DPP6: variants seen among roughly 807,000 people sequenced by gnomAD.
The protein encoded by DPP6 is A-type potassium channel modulatory protein DPP6.
In DPP6, 69 loss-of-function variants were observed where a neutral mutation model predicts 122.6. The observed-to-expected ratio is 0.56, with a 90% CI of 0.46 to 0.69. The LOEUF is 0.69. Ranked by LOEUF, DPP6 falls within the 30% of genes least tolerant of loss-of-function variation. The pLI is 0.00. For synonymous variants in DPP6, 418 were observed against 433.1 expected, an observed-to-expected ratio of 0.97 and a Z score of 0.43; for missense variants, 928 against 1,116.9, an observed-to-expected ratio of 0.83 and a Z score of 2.41.
intron 1 of DPP6, among the ~76,000 whole-genome samples, chr7:154,354,896 G>A (rs1335223228): frequency 6.6e-6 from 1 of 152,208 alleles, no homozygotes; most frequent in Non-Finnish European, 1.5e-5. Context: ...TGTGAGCTAT[G>A]AACATGTTCA....
intron 6 of DPP6, among the ~76,000 whole-genome samples, chr7:154,649,213 C>T (rs1205818826): frequency 6.6e-6 from 1 of 152,184 alleles, no homozygotes; most frequent in Non-Finnish European, 1.5e-5. Flanking sequence ...CAGGTGTCTG[C>T]ATTCATTTGT....
chr7:154,148,889 C>A (rs557519677), intron 1 of DPP6, among the ~76,000 whole-genome samples: 1 of 152,168 alleles, frequency 6.6e-6, no homozygotes, highest in Non-Finnish European at 1.5e-5. Context: ...ATAAGGAAAT[C>A]AGGATGATAC....
At chr7:153,843,281 C>T in the DPP6 span, among the ~76,000 whole-genome samples, 1,170 of 109,812 alleles carry the variant, frequency 0.011, 6 homozygotes, top group Middle Eastern at 0.016. Context: ...TGCGCGCGCG[C>T]ACACACACAC....
At chr7:153,870,575 C>A in the DPP6 span, among the ~76,000 whole-genome samples, 1 of 152,158 alleles carries the variant, frequency 6.6e-6, no homozygotes, top group Non-Finnish European at 1.5e-5. Flanking sequence ...AGGTTTTTAA[C>A]TTCTTTGCCA....
intron 8 of DPP6, among the ~76,000 whole-genome samples, chr7:154,737,925 T>C (rs1380015180): frequency 6.6e-6 from 1 of 152,338 alleles, no homozygotes; most frequent in Admixed American, 6.5e-5. Flanking sequence ...GTCTGGATGA[T>C]AAAACTTCAG....
rs1823771546 is a variant in DPP6 at position 154,486,125 on chromosome 7, T to A, written c.457+11088T>A. ...TCCCCGGTCTCCTCACCACCCCTAC[T>A]CATGGCCTCTATTTTGTTTTTTTTT... On this transcript the variant is annotated intron_variant, in intron 3 of 25. Coordinates refer to ENST00000377770, the MANE Select transcript of DPP6 (RefSeq NM_130797.4). The surrounding 1 kb of genome is among the most constrained non-coding windows in gnomAD (Gnocchi z 4.5). Among the ~76,000 whole-genome samples the A allele has an allele frequency of 6.6e-6, 1 of 150,878 alleles. No homozygotes were observed. Among genetic ancestry groups the A allele is most frequent in the African/African-American group, 2.5e-5 (1 of 40,506 alleles).
At chr7:154,229,729 G>A (rs1199038323) in intron 1 of DPP6, among the ~76,000 whole-genome samples, 1 of 151,954 alleles carries the variant, frequency 6.6e-6, no homozygotes, top group Non-Finnish European at 1.5e-5. Flanking sequence ...TAAATTTGAT[G>A]TTTGTTCTTG....
intron 5 of DPP6, among the ~76,000 whole-genome samples, chr7:154,581,657 G>A (rs184649443): frequency 4.4e-4 from 67 of 152,370 alleles, no homozygotes; most frequent in African/African-American, 1.6e-3. Flanking sequence ...AGGCCCTTTT[G>A]AAACAGGCAG....
intron 1 of DPP6, among the ~76,000 whole-genome samples, chr7:153,907,747 G>A (rs1324382550): frequency 1.3e-5 from 2 of 152,154 alleles, no homozygotes; most frequent in African/African-American, 4.8e-5. Flanking sequence ...ACTTTTCTCT[G>A]GGTTTCCAGC....
At chr7:154,686,461 C>T (rs760232530) in intron 7 of DPP6, among the ~76,000 whole-genome samples, 15 of 150,928 alleles carry the variant, frequency 9.9e-5, no homozygotes, top group Non-Finnish European at 1.9e-4. Flanking sequence ...TCTCCCGATA[C>T]AGCATCTGGT....
chr7:153,931,374 A>C (rs927346558), intron 1 of DPP6, among the ~76,000 whole-genome samples: 2 of 152,222 alleles, frequency 1.3e-5, no homozygotes, highest in African/African-American at 4.8e-5. Flanking sequence ...GCCAAGAGAC[A>C]GTCTTAGCAC....
the DPP6 span, among the ~76,000 whole-genome samples, chr7:153,869,207 T>G: frequency 6.6e-6 from 1 of 152,246 alleles, no homozygotes; most frequent in African/African-American, 2.4e-5. Context: ...TGGATATCCT[T>G]GTTAACTTTC....
chr7:154,620,579 T>A (rs996104319), intron 5 of DPP6, among the ~76,000 whole-genome samples: 2 of 152,240 alleles, frequency 1.3e-5, no homozygotes, highest in African/African-American at 2.4e-5. Context: ...CAGTGTTTTT[T>A]TCCTTCTGCA....
the DPP6 span, among the ~76,000 whole-genome samples, chr7:153,791,125 T>C: frequency 6.6e-6 from 1 of 152,174 alleles, no homozygotes; most frequent in Non-Finnish European, 1.5e-5. Context: ...TTTTGGGAAA[T>C]TATATGTGTT....
At chr7:154,680,830 C>T (rs1000527396) in intron 7 of DPP6, among the ~76,000 whole-genome samples, 3 of 152,124 alleles carry the variant, frequency 2.0e-5, no homozygotes, top group African/African-American at 4.8e-5. Context: ...ATGAATAAGC[C>T]GCCCATCACC....
chr7:154,663,837 G>T (rs1412069553), intron 6 of DPP6, among the ~76,000 whole-genome samples: 1 of 119,254 alleles, frequency 8.4e-6, no homozygotes, highest in African/African-American at 2.7e-5. Context: ...ATTGGGCGTA[G>T]TATTCATATA....
chr7:154,314,855 A>G (rs1448178149), intron 1 of DPP6, among the ~76,000 whole-genome samples: 1 of 152,246 alleles, frequency 6.6e-6, no homozygotes, highest in African/African-American at 2.4e-5. Flanking sequence ...AAAGGAAATA[A>G]AGGAATTAGA....
chr7:154,468,913 T>G (rs1822019712), intron 2 of DPP6, among the ~76,000 whole-genome samples: 1 of 152,176 alleles, frequency 6.6e-6, no homozygotes, highest in Non-Finnish European at 1.5e-5. Flanking sequence ...GTCTGGAGTA[T>G]AACCATAAAT....
chr7:154,569,011 G>A (rs1405466630), intron 5 of DPP6, among the ~76,000 whole-genome samples: 1 of 152,096 alleles, frequency 6.6e-6, no homozygotes. Flanking sequence ...TATAGGTTAT[G>A]AGTAGTGTGT....
Sources: gnomAD v4.1 joint callset for allele counts (sites outside exome capture counted in the v4.1 genomes callset) on GRCh38, gnomAD v4.1.1 for gene constraint, Gnocchi (gnomAD v3.1) non-coding constraint, MANE v1.5 for transcripts, NCBI Gene and HGNC (gene_info 2026-07-23, HGNC 2026-07-21) for gene names.